Variants in ULK4 observed in about 807,000 individuals in gnomAD.
ULK4 encodes the protein unc-51 like kinase 4.
In ULK4, 133 loss-of-function variants were observed where a neutral mutation model predicts 160.6. That is an observed-to-expected ratio of 0.83 (90% confidence interval 0.72 to 0.96). ULK4 has a LOEUF of 0.96. ULK4 is among the 40% of genes least tolerant of loss of function. ULK4 has a pLI of 0.00. For missense variants in ULK4, 1,580 were observed against 1,499.5 expected, an observed-to-expected ratio of 1.05 and a Z score of -0.89; for synonymous variants, 534 against 539.8, an observed-to-expected ratio of 0.99 and a Z score of 0.15.
At chr3:41,661,016 A>G (rs2035134015) in intron 30 of ULK4, among the ~76,000 whole-genome samples, 1 of 152,262 alleles carries the variant, frequency 6.6e-6, no homozygotes, top group East Asian at 1.9e-4. Context: ...ATTTTATACA[A>G]TTTTATCATT....
At chr3:41,624,443 C>A (rs1401745062) in intron 30 of ULK4, among the ~76,000 whole-genome samples, 2 of 152,066 alleles carry the variant, frequency 1.3e-5, no homozygotes, top group Non-Finnish European at 2.9e-5. Flanking sequence ...TAAGGCATAA[C>A]CACACAAAAC....
intron 21 of ULK4, among the ~76,000 whole-genome samples, chr3:41,775,502 G>A (rs1004139611): frequency 5.4e-5 from 8 of 149,270 alleles, no homozygotes; most frequent in African/African-American, 1.5e-4. Context: ...AGTTTCAAGC[G>A]ATTCTCCTGC....
chr3:41,379,872 A>G (rs1374933158), intron 35 of ULK4, among the ~76,000 whole-genome samples: 1 of 152,172 alleles, frequency 6.6e-6, no homozygotes, highest in Non-Finnish European at 1.5e-5. Context: ...GGGTAGTGAG[A>G]GTGGCAGAGG....
At chr3:41,907,301 A>ATT (rs71075494) in intron 12 of ULK4, among the ~76,000 whole-genome samples, 62 of 147,874 alleles carry the variant, frequency 4.2e-4, no homozygotes, top group East Asian at 3.2e-3. Flanking sequence ...CCTTTTATTT[A>ATT]TTTTTTTTTT....
intron 28 of ULK4, 39 bp downstream of exon 28, chr3:41,681,714 T>C: frequency 1.2e-6 from 2 of 1,613,940 alleles, no homozygotes; most frequent in Non-Finnish European, 1.7e-6. Context: ...AAATAGAATG[T>C]GTAACTGATG....
chr3:41,944,290 A>G (rs989301235), intron 2 of ULK4, among the ~76,000 whole-genome samples: 1 of 152,184 alleles, frequency 6.6e-6, no homozygotes, highest in African/African-American at 2.4e-5. Flanking sequence ...TTTCCTTTAC[A>G]TGAGAGAAAA....
intron 18 of ULK4, among the ~76,000 whole-genome samples, chr3:41,826,545 A>T (rs966701197): frequency 6.7e-6 from 1 of 149,930 alleles, no homozygotes; most frequent in Non-Finnish European, 1.5e-5. Flanking sequence ...ACCAACAAAG[A>T]TCAAAAGAGA....
intron 18 of ULK4, among the ~76,000 whole-genome samples, chr3:41,827,412 A>AG (rs1476227377): frequency 6.6e-6 from 1 of 152,194 alleles, no homozygotes; most frequent in Non-Finnish European, 1.5e-5. Flanking sequence ...ATAGACCACT[A>AG]GCAAGACTAT....
intron 35 of ULK4, among the ~76,000 whole-genome samples, chr3:41,316,886 T>C (rs2080151735): frequency 6.6e-6 from 1 of 152,194 alleles, no homozygotes; most frequent in African/African-American, 2.4e-5. Flanking sequence ...CTCAAATCTT[T>C]ATTAAGTAAA....
chr3:41,405,309 A>T (rs375802657), intron 34 of ULK4, among the ~76,000 whole-genome samples: 14 of 152,080 alleles, frequency 9.2e-5, no homozygotes, highest in African/African-American at 3.4e-4. Flanking sequence ...ACATAATTTC[A>T]TTCTTTTTTA....
intron 35 of ULK4, among the ~76,000 whole-genome samples, chr3:41,368,892 T>TA (rs944212215): frequency 6.6e-6 from 1 of 152,198 alleles, no homozygotes; most frequent in Non-Finnish European, 1.5e-5. Flanking sequence ...AAATACTGCT[T>TA]AAAAAATTAC....
chr3:41,640,316 C>A (rs773961677), intron 30 of ULK4, among the ~76,000 whole-genome samples: 10 of 152,150 alleles, frequency 6.6e-5, no homozygotes, highest in African/African-American at 2.2e-4. Context: ...AATTGAGAAG[C>A]CTGCCACTGC....
intron 32 of ULK4, among the ~76,000 whole-genome samples, chr3:41,488,181 A>AT (rs2084613633): frequency 6.6e-6 from 1 of 152,244 alleles, no homozygotes; most frequent in South Asian, 2.1e-4. Context: ...AGTTTCTAGC[A>AT]TATATATTAC....
intron 35 of ULK4, among the ~76,000 whole-genome samples, chr3:41,396,973 GCTGGGTCA>G (rs1406284880): frequency 6.6e-6 from 1 of 152,098 alleles, no homozygotes; most frequent in Non-Finnish European, 1.5e-5. Context: ...TACAGGTTCA[GCTGGGTCA>G]CTCGCTGCAA....
intron 32 of ULK4, among the ~76,000 whole-genome samples, chr3:41,527,733 T>G (rs1234514328): frequency 1.3e-5 from 2 of 152,222 alleles, no homozygotes; most frequent in Non-Finnish European, 2.9e-5. Flanking sequence ...ATAAAAAAAT[T>G]TTCAAAAGCT....
At chr3:41,888,873 C>T (rs1044047473) in intron 16 of ULK4, among the ~76,000 whole-genome samples, 1 of 152,144 alleles carries the variant, frequency 6.6e-6, no homozygotes, top group Non-Finnish European at 1.5e-5. Flanking sequence ...AGCTGGAATT[C>T]CAAATTAAAG....
At chr3:41,866,010 G>A (rs1273250534) in intron 17 of ULK4, among the ~76,000 whole-genome samples, 1 of 152,064 alleles carries the variant, frequency 6.6e-6, no homozygotes, top group African/African-American at 2.4e-5. Context: ...CCAACCATAT[G>A]TTGGATAAAG....
intron 35 of ULK4, among the ~76,000 whole-genome samples, chr3:41,289,825 ATGTAT>A (rs2079525154): frequency 6.6e-6 from 1 of 150,802 alleles, no homozygotes; most frequent in South Asian, 2.2e-4. Context: ...GTATGTATGT[ATGTAT>A]GTATGTATGT....
intron 34 of ULK4, 72 bp downstream of exon 34, chr3:41,455,425 G>A: frequency 7.3e-7 from 1 of 1,367,188 alleles, no homozygotes; most frequent in South Asian, 1.3e-5. Context: ...AGAAACTCAA[G>A]AGATCAGGAA....
Sources: gnomAD v4.1 joint callset for allele counts (sites outside exome capture counted in the v4.1 genomes callset) on GRCh38, gnomAD v4.1.1 for gene constraint, MANE v1.5 for transcripts, NCBI Gene and HGNC (gene_info 2026-07-23, HGNC 2026-07-21) for gene names.